Variants in PLXNA2 observed in about 807,000 individuals in gnomAD.
PLXNA2 encodes the protein plexin A2, also known as plexin-A2.
PLXNA2 carries 91 observed loss-of-function variants against 193.5 expected under a neutral mutation model. The observed-to-expected ratio is 0.47, with a 90% CI of 0.40 to 0.56. PLXNA2 has a LOEUF of 0.56. Ranked by LOEUF, PLXNA2 falls within the 20% of genes least tolerant of loss-of-function variation. The pLI is 0.00. For synonymous variants in PLXNA2, 997 were observed against 1,027.3 expected, an observed-to-expected ratio of 0.97 and a Z score of 0.56; for missense variants, 1,995 against 2,503.2, an observed-to-expected ratio of 0.80 and a Z score of 4.33.
At chr1:208,047,323 A>G (rs1665109346) in intron 17 of PLXNA2, among the ~76,000 whole-genome samples, 1 of 152,214 alleles carries the variant, frequency 6.6e-6, no homozygotes, top group Non-Finnish European at 1.5e-5. Flanking sequence ...CTAACCCTGC[A>G]CTGGGACAGA....
rs114944664 is a variant in PLXNA2, at chr1:208,120,134, G to A, written c.1507-16887C>T. Among the ~76,000 whole-genome samples, 849 of 152,302 alleles carry A rather than the reference G, an allele frequency of 5.6e-3. 8 individuals carry two copies. Among genetic ancestry groups the A allele is most frequent in the East Asian group, 0.016 (85 of 5,178 alleles). On this transcript the variant is annotated intron_variant, in intron 4 of 31. Transcript: ENST00000367033. ...GTGTCAACAATACTGATTTAGCCCC[G>A]GCTGGGTGCAGAGTTTTCTGATGGA... is the stretch of plus-strand genomic sequence containing the variant.
chr1:208,210,478 A>G lies in PLXNA2; in HGVS notation c.1189-16T>C, dbSNP rs1558246242. 1 of 1,603,802 alleles carries G rather than the reference A, an allele frequency of 6.2e-7. No individual in the cohort carries two copies. Among genetic ancestry groups the G allele is most frequent in the African/African-American group, 1.3e-5 (1 of 74,798 alleles). ...TGGGGACAGGCTGGAGGGAAGCGGA[A>G]GGAATTGGGGTGAGTAACAGTGGAG... On this transcript the variant is annotated splice_polypyrimidine_tract_variant and intron_variant, in intron 2 of 31. Transcript: ENST00000367033.
At chr1:208,135,155 CT>C (rs1668265361) in intron 4 of PLXNA2, among the ~76,000 whole-genome samples, 3 of 151,100 alleles carry the variant, frequency 2.0e-5, no homozygotes, top group Non-Finnish European at 4.4e-5. Flanking sequence ...CAGAGAATTT[CT>C]TAGGGGGTGG....
intron 3 of PLXNA2, among the ~76,000 whole-genome samples, chr1:208,154,243 A>G (rs928709596): frequency 7.1e-6 from 1 of 141,338 alleles, no homozygotes; most frequent in African/African-American, 3.1e-5. Context: ...TGCTGGGTAC[A>G]GTACAGCAGG....
chr1:208,225,013 C>T (rs539957819), intron 1 of PLXNA2, among the ~76,000 whole-genome samples: 53 of 152,266 alleles, frequency 3.5e-4, no homozygotes, highest in Admixed American at 3.4e-3. Flanking sequence ...AACCCATACT[C>T]CAGGCGGTGA....
intron 1 of PLXNA2, among the ~76,000 whole-genome samples, chr1:208,220,504 C>A: frequency 6.6e-6 from 1 of 152,082 alleles, no homozygotes; most frequent in Non-Finnish European, 1.5e-5. Context: ...ATGATCTCAG[C>A]TCATTGAGAC....
At chr1:208,226,727 G>C (rs371471112) in intron 1 of PLXNA2, among the ~76,000 whole-genome samples, 2 of 152,210 alleles carry the variant, frequency 1.3e-5, no homozygotes, top group Admixed American at 1.3e-4. Flanking sequence ...TGAGAGAGCC[G>C]CATGGTATAA....
intron 6 of PLXNA2, among the ~76,000 whole-genome samples, chr1:208,098,259 C>T (rs1310242538): frequency 1.3e-5 from 2 of 152,148 alleles, no homozygotes; most frequent in African/African-American, 2.4e-5. Context: ...AATTAACATT[C>T]GTGAATGCTC....
In PLXNA2 at chr1:208,082,308, T is replaced by G; in HGVS notation, c.2395+104A>C. On this transcript the variant is annotated intron_variant, in intron 11 of 31. Transcript: ENST00000367033. This position sits in a 1 kb window ranked among gnomAD's most constrained non-coding sequence, Gnocchi z 4.2. Reference sequence around the variant, plus strand: ...TGAAGAGTTCCGCCGACAGAGGGAGTGTATTATTCATGGCACAGCGGCTGG... The same window carrying G: ...TGAAGAGTTCCGCCGACAGAGGGAGGGTATTATTCATGGCACAGCGGCTGG... 1 of 819,222 alleles carries G rather than the reference T, an allele frequency of 1.2e-6. No homozygotes were observed. Among genetic ancestry groups the G allele is most frequent in the Non-Finnish European group, 2.1e-6 (1 of 484,458 alleles). 50.7% of individuals were successfully genotyped at this position (819,222 alleles called of 1,614,324 possible).
intron 3 of PLXNA2, among the ~76,000 whole-genome samples, chr1:208,191,262 AG>A (rs1245314492): frequency 6.6e-6 from 1 of 152,208 alleles, no homozygotes; most frequent in Non-Finnish European, 1.5e-5. Flanking sequence ...ACTCACATCA[AG>A]AAGGTGCCTC....
intron 3 of PLXNA2, among the ~76,000 whole-genome samples, chr1:208,186,967 C>T (rs1212320742): frequency 1.3e-5 from 2 of 151,378 alleles, no homozygotes; most frequent in African/African-American, 4.9e-5. Context: ...ATGATCCACC[C>T]GCCTCGGCCT....
At chr1:208,098,411 T>C (rs1202716735) in intron 6 of PLXNA2, among the ~76,000 whole-genome samples, 11 of 151,156 alleles carry the variant, frequency 7.3e-5, no homozygotes, top group Non-Finnish European at 1.6e-4. Flanking sequence ...TGAGGCAGTC[T>C]CTTTCTTGCT....
intron 13 of PLXNA2, among the ~76,000 whole-genome samples, chr1:208,058,502 T>C (rs1486373213): frequency 6.6e-6 from 1 of 152,242 alleles, no homozygotes; most frequent in Non-Finnish European, 1.5e-5. Context: ...CTGTAACGAT[T>C]GTGCCTGCTG....
intron 2 of PLXNA2, 36 bp downstream of exon 2, chr1:208,216,699 T>C: frequency 1.3e-6 from 2 of 1,580,472 alleles, no homozygotes; most frequent in Admixed American, 1.7e-5. Context: ...ACCTGTGTCA[T>C]GGAGCAGGAG....
chr1:208,114,260 T>C (rs6684587), intron 4 of PLXNA2, among the ~76,000 whole-genome samples: 145,622 of 152,274 alleles, frequency 0.96, 69,981 homozygotes, highest in East Asian at 1. Context: ...TTCTTAGGGA[T>C]TCCTTGTTTT....
chr1:208,143,519 G>A (rs1006181039), intron 3 of PLXNA2, among the ~76,000 whole-genome samples: 2 of 152,172 alleles, frequency 1.3e-5, no homozygotes, highest in African/African-American at 4.8e-5. Context: ...ACAAAAAGTT[G>A]GTGGCAAGGA....
At chr1:208,031,112 C>G in intron 29 of PLXNA2, 1 of 999,490 alleles carries the variant, frequency 1.0e-6, no homozygotes, top group Non-Finnish European at 1.2e-6. Flanking sequence ...ACTCCCTCTC[C>G]GGTGCTGACC....
At chr1:208,240,822 G>T (rs1039967369) in intron 1 of PLXNA2, among the ~76,000 whole-genome samples, 10 of 152,084 alleles carry the variant, frequency 6.6e-5, no homozygotes, top group African/African-American at 2.4e-4. Flanking sequence ...ATGATGGACA[G>T]AAGTATATTG....
At chr1:208,054,855 G>A (rs1293837455) in intron 13 of PLXNA2, among the ~76,000 whole-genome samples, 1 of 152,166 alleles carries the variant, frequency 6.6e-6, no homozygotes, top group African/African-American at 2.4e-5. Context: ...CATTGGGTAG[G>A]GACCCAGAAT....
Sources: gnomAD v4.1 joint callset for allele counts (sites outside exome capture counted in the v4.1 genomes callset) on GRCh38, gnomAD v4.1.1 for gene constraint, Gnocchi (gnomAD v3.1) non-coding constraint, MANE v1.5 for transcripts, NCBI Gene and HGNC (gene_info 2026-07-23, HGNC 2026-07-21) for gene names.